The following GPR141 variants were observed in gnomAD, a reference collection of about 807,000 sequenced individuals.
The protein encoded by GPR141 is G protein-coupled receptor 141, also known as probable G protein-coupled receptor 141.
GPR141 carries 6 observed loss-of-function variants against 6.8 expected under a neutral mutation model. That is an observed-to-expected ratio of 0.88 (90% CI 0.48 to 1.74). GPR141 has a LOEUF of 1.74. Ranked by LOEUF, GPR141 falls within the 40% of genes most tolerant of loss-of-function variation. GPR141 has a pLI of 0.01. For synonymous variants in GPR141, 140 were observed against 142.3 expected, an observed-to-expected ratio of 0.98 and a Z score of 0.11; for missense variants, 372 against 372.9, an observed-to-expected ratio of 1.00 and a Z score of 0.02.
At chr7:37,697,558 G>C (rs543263501) in intron 2 of GPR141, among the ~76,000 whole-genome samples, 1 of 152,166 alleles carries the variant, frequency 6.6e-6, no homozygotes, top group South Asian at 2.1e-4. Flanking sequence ...CATGAGTTAC[G>C]GATGTGGACC....
At chr7:37,703,894 C>T (rs1810405947) in intron 2 of GPR141, among the ~76,000 whole-genome samples, 1 of 151,968 alleles carries the variant, frequency 6.6e-6, no homozygotes, top group Admixed American at 6.6e-5. Flanking sequence ...AAAAATACAA[C>T]TTTCGAAAAG....
intron 2 of GPR141, among the ~76,000 whole-genome samples, chr7:37,698,588 A>C (rs80352471): frequency 0.15 from 23,375 of 152,170 alleles, 1,892 homozygotes; most frequent in East Asian, 0.22. Flanking sequence ...ATGCTGTCAG[A>C]AAGCAGGGAC....
chr7:37,723,748 A>ATGGTGTG (rs1339128131), intron 2 of GPR141, among the ~76,000 whole-genome samples: 1 of 152,180 alleles, frequency 6.6e-6, no homozygotes, highest in Non-Finnish European at 1.5e-5. Context: ...AGTAGGCCAG[A>ATGGTGTG]TGGTGTGTCA....
intron 2 of GPR141, among the ~76,000 whole-genome samples, chr7:37,714,791 T>C (rs1810969600): frequency 6.6e-6 from 1 of 152,246 alleles, no homozygotes; most frequent in South Asian, 2.1e-4. Flanking sequence ...TGTTACGCCA[T>C]GGCAGTTACT....
chr7:37,700,250 T>G (rs1436402501), intron 2 of GPR141, among the ~76,000 whole-genome samples: 1 of 152,248 alleles, frequency 6.6e-6, no homozygotes, highest in Non-Finnish European at 1.5e-5. Flanking sequence ...CAGAGTGTAT[T>G]TTGTTACATT....
At chr7:37,731,017 A>G (rs1406245016) in intron 2 of GPR141, among the ~76,000 whole-genome samples, 1 of 152,208 alleles carries the variant, frequency 6.6e-6, no homozygotes, top group African/African-American at 2.4e-5. Flanking sequence ...AGTTCAAACA[A>G]ATATGTTTAC....
chr7:37,704,442 A>G (rs1317252023), intron 2 of GPR141, among the ~76,000 whole-genome samples: 2 of 152,154 alleles, frequency 1.3e-5, no homozygotes, highest in Non-Finnish European at 2.9e-5. Flanking sequence ...CAGGAGAGAG[A>G]ATGAGACCCA....
intron 2 of GPR141, among the ~76,000 whole-genome samples, chr7:37,690,343 C>T (rs1168449729): frequency 6.6e-6 from 1 of 152,088 alleles, no homozygotes; most frequent in Non-Finnish European, 1.5e-5. Flanking sequence ...GGAGCAGATC[C>T]CTCACGGCTT....
chr7:37,733,621 G>A (rs1032466635), intron 2 of GPR141, among the ~76,000 whole-genome samples: 1 of 143,790 alleles, frequency 7.0e-6, no homozygotes, highest in East Asian at 2.0e-4. Flanking sequence ...GCGGTGAGCC[G>A]AGATCCCAGC....
chr7:37,698,102 C>T (rs537813246), intron 2 of GPR141, among the ~76,000 whole-genome samples: 12 of 152,218 alleles, frequency 7.9e-5, no homozygotes, highest in East Asian at 3.9e-4. Context: ...TTATAAAAAC[C>T]GTGATGATTC....
intron 2 of GPR141, among the ~76,000 whole-genome samples, chr7:37,698,433 CTGTGTGTAGGGCTTATGACTCAT>C (rs1239924386): frequency 6.6e-6 from 1 of 152,292 alleles, no homozygotes; most frequent in East Asian, 1.9e-4. Context: ...CCACGAGAAC[CTGTGTGTAGGGCTTATGACTCAT>C]TGCGGGGAGG....
intron 2 of GPR141, among the ~76,000 whole-genome samples, chr7:37,691,794 C>T (rs1198419709): frequency 8.6e-5 from 13 of 151,366 alleles, no homozygotes; most frequent in Admixed American, 6.6e-4. Flanking sequence ...TGGGTGTAGT[C>T]TTGAGTGGAG....
At chr7:37,716,557 G>A (rs901410913) in intron 2 of GPR141, among the ~76,000 whole-genome samples, 1 of 152,078 alleles carries the variant, frequency 6.6e-6, no homozygotes, top group Non-Finnish European at 1.5e-5. Context: ...AAAATATAGG[G>A]CTCCAAAGAA....
chr7:37,723,585 C>G (rs1312943219), intron 2 of GPR141, among the ~76,000 whole-genome samples: 4 of 152,260 alleles, frequency 2.6e-5, no homozygotes, highest in Admixed American at 2.0e-4. Flanking sequence ...TATTCTTGCT[C>G]TATCACATTT....
intron 2 of GPR141, among the ~76,000 whole-genome samples, chr7:37,733,717 C>G (rs1812099784): frequency 6.6e-6 from 1 of 150,668 alleles, no homozygotes; most frequent in Admixed American, 6.6e-5. Context: ...AAAAGTATTG[C>G]TAGGATTAGC....
intron 2 of GPR141, among the ~76,000 whole-genome samples, chr7:37,717,213 T>C (rs1253185292): frequency 6.6e-6 from 1 of 152,222 alleles, no homozygotes; most frequent in African/African-American, 2.4e-5. Context: ...TCAGAAAATA[T>C]GCATGAGGGC....
chr7:37,730,204 C>G (rs915323028), intron 2 of GPR141, among the ~76,000 whole-genome samples: 1 of 152,072 alleles, frequency 6.6e-6, no homozygotes, highest in Admixed American at 6.6e-5. Context: ...TTCTTGATCT[C>G]TCGCTCTCTT....
intron 2 of GPR141, among the ~76,000 whole-genome samples, chr7:37,700,988 C>T (rs1204661310): frequency 6.6e-6 from 1 of 152,172 alleles, no homozygotes; most frequent in Non-Finnish European, 1.5e-5. Flanking sequence ...CTTTATTCTT[C>T]CAGTCTAGAC....
intron 1 of GPR141, among the ~76,000 whole-genome samples, chr7:37,685,003 C>A (rs987653202): frequency 1.3e-5 from 2 of 152,102 alleles, no homozygotes; most frequent in African/African-American, 2.4e-5. Context: ...TCTACAAAAG[C>A]CTTGATAGTA....
Sources: gnomAD v4.1 joint callset for allele counts (sites outside exome capture counted in the v4.1 genomes callset) on GRCh38, gnomAD v4.1.1 for gene constraint, MANE v1.5 for transcripts, NCBI Gene and HGNC (gene_info 2026-07-23, HGNC 2026-07-21) for gene names.